GALNT17: variants seen among roughly 807,000 people sequenced by gnomAD.
GALNT17 encodes polypeptide N-acetylgalactosaminyltransferase 17.
GALNT17 carries 29 observed loss-of-function variants against 63.7 expected under a neutral mutation model. That is an observed-to-expected ratio of 0.46 (90% confidence interval 0.34 to 0.62). The LOEUF is 0.62. GALNT17 is among the 20% of genes least tolerant of loss of function. The probability of loss-of-function intolerance (pLI) is 0.01; values close to 1 mark genes in which losing one functional copy is unlikely to be tolerated. For synonymous variants in GALNT17, 305 were observed against 318.3 expected (o/e 0.96, Z 0.45); for missense variants, 603 against 799.6 (o/e 0.75, Z 2.97).
intron 1 of GALNT17, among the ~76,000 whole-genome samples, chr7:71,149,280 C>G (rs572307496): frequency 6.6e-6 from 1 of 152,144 alleles, no homozygotes; most frequent in African/African-American, 2.4e-5. Context: ...TAACTTAATT[C>G]GACATCACAC....
chr7:71,283,116 C>G (rs1790806714), intron 1 of GALNT17, among the ~76,000 whole-genome samples: 1 of 149,334 alleles, frequency 6.7e-6, no homozygotes, highest in African/African-American at 2.5e-5. Flanking sequence ...GTGGTAACCT[C>G]AAACTCCTAG....
intron 2 of GALNT17, among the ~76,000 whole-genome samples, chr7:71,372,405 T>C (rs1792641461): frequency 6.6e-6 from 1 of 152,138 alleles, no homozygotes; most frequent in Non-Finnish European, 1.5e-5. Flanking sequence ...CCTCAAGTGA[T>C]CCACCTGCCT....
chr7:71,547,844 A>C (rs777859195), intron 5 of GALNT17, among the ~76,000 whole-genome samples: 2 of 152,172 alleles, frequency 1.3e-5, no homozygotes, highest in Admixed American at 6.5e-5. Context: ...AGATAAAGAA[A>C]TGAGTTGTAC....
intron 6 of GALNT17, among the ~76,000 whole-genome samples, chr7:71,649,248 G>A (rs1022124004): frequency 6.6e-6 from 1 of 152,194 alleles, no homozygotes; most frequent in Non-Finnish European, 1.5e-5. Flanking sequence ...TTGTGACCTT[G>A]AGTGAGGGAT....
chr7:71,469,739 A>C (rs994250766), intron 5 of GALNT17, among the ~76,000 whole-genome samples: 25 of 152,226 alleles, frequency 1.6e-4, no homozygotes, highest in Non-Finnish European at 7.3e-5. Flanking sequence ...GTGAATTTAA[A>C]ATATGTAAGG....
intron 1 of GALNT17, among the ~76,000 whole-genome samples, chr7:71,197,815 A>G (rs1376844602): frequency 6.6e-6 from 1 of 152,136 alleles, no homozygotes; most frequent in Non-Finnish European, 1.5e-5. Context: ...TCTACTGTGT[A>G]TATGTATCAA....
At chr7:71,358,093 C>T (rs1200674350) in intron 2 of GALNT17, among the ~76,000 whole-genome samples, 1 of 152,210 alleles carries the variant, frequency 6.6e-6, no homozygotes, top group Non-Finnish European at 1.5e-5. Context: ...ATAAGTCTTG[C>T]TGCTGCTCAC....
At chr7:71,368,825 C>G (rs559914479) in intron 2 of GALNT17, among the ~76,000 whole-genome samples, 1 of 150,792 alleles carries the variant, frequency 6.6e-6, no homozygotes, top group Non-Finnish European at 1.5e-5. Context: ...GATTTTTAAA[C>G]TGATACAAGA....
chr7:71,500,218 C>T lies in GALNT17; in HGVS notation c.963-71067C>T, dbSNP rs557998785. 1.2e-4 allele frequency among the ~76,000 whole-genome samples: 18 copies of T among 152,278 alleles called. No individual in the cohort carries two copies. In the South Asian group the frequency reaches 1.2e-3, roughly 11 times the overall value. On this transcript the variant is annotated intron_variant, in intron 5 of 10. Transcript: ENST00000333538. ...AATTAATTGCACCGCCTTGCCCTGT[C>T]TCCCTTATTACAGTCTTGAATGACT...
chr7:71,591,249 T>C (rs1413426676), intron 6 of GALNT17, among the ~76,000 whole-genome samples: 3 of 151,930 alleles, frequency 2.0e-5, no homozygotes, highest in African/African-American at 7.3e-5. Flanking sequence ...AGAGACAGGG[T>C]TTCACCATGT....
At chr7:71,711,808 TTCTC>T (rs551496401) in intron 10 of GALNT17, among the ~76,000 whole-genome samples, 4 of 151,424 alleles carry the variant, frequency 2.6e-5, no homozygotes, top group South Asian at 4.2e-4. Flanking sequence ...TGTCTCTATC[TTCTC>T]TCTTTCTCCT....
intron 2 of GALNT17, among the ~76,000 whole-genome samples, chr7:71,387,422 C>T (rs1246784142): frequency 1.3e-5 from 2 of 151,628 alleles, no homozygotes; most frequent in Non-Finnish European, 2.9e-5. Flanking sequence ...ACCTCCCGGG[C>T]TCAAGTGATC....
intron 1 of GALNT17, among the ~76,000 whole-genome samples, chr7:71,198,197 CAAAA>C (rs755388218): frequency 2.6e-5 from 2 of 77,068 alleles, no homozygotes; most frequent in Non-Finnish European, 5.8e-5. Flanking sequence ...GACTCTGTCT[CAAAA>C]AAAAAAAAAA....
chr7:71,694,162 T>C (rs6957106), intron 9 of GALNT17, among the ~76,000 whole-genome samples: 66,419 of 151,698 alleles, frequency 0.44, 16,353 homozygotes, highest in Middle Eastern at 0.62. Flanking sequence ...AACCATCAGA[T>C]CTTGTGAGAC....
chr7:71,528,892 C>T lies in GALNT17; in HGVS notation c.963-42393C>T, dbSNP rs181757729. Reference sequence around the variant, plus strand: ...GCTCATACCTGTAATCCCAGCACTTCGGGAGGCCGAGGAGGGAAGATCACC... The same window carrying T: ...GCTCATACCTGTAATCCCAGCACTTTGGGAGGCCGAGGAGGGAAGATCACC... On this transcript the variant is annotated intron_variant, in intron 5 of 10. Coordinates refer to ENST00000333538, the MANE Select transcript of GALNT17 (RefSeq NM_022479.3). Among the ~76,000 whole-genome samples the T allele has an allele frequency of 3.7e-4, 56 of 152,090 alleles. 2 individuals carry two copies. Among genetic ancestry groups the T allele is most frequent in the East Asian group, 2.5e-3 (13 of 5,160 alleles).
At chr7:71,326,774 G>A (rs12668780) in intron 1 of GALNT17, among the ~76,000 whole-genome samples, 25,517 of 151,994 alleles carry the variant, frequency 0.17, 2,361 homozygotes, top group East Asian at 0.29. Flanking sequence ...GCTGTATCTC[G>A]TGACTCATTT....
intron 1 of GALNT17, among the ~76,000 whole-genome samples, chr7:71,279,920 C>A (rs1790749494): frequency 6.6e-6 from 1 of 151,970 alleles, no homozygotes; most frequent in African/African-American, 2.4e-5. Context: ...TTATCAAAAT[C>A]AAATAATCTT....
intron 1 of GALNT17, among the ~76,000 whole-genome samples, chr7:71,169,814 C>T (rs940734928): frequency 1.3e-5 from 2 of 152,186 alleles, no homozygotes; most frequent in Admixed American, 6.5e-5. Context: ...CCTTGGCCTT[C>T]TGAAGTGCTG....
chr7:71,575,449 A>C (rs1227351200), intron 6 of GALNT17, among the ~76,000 whole-genome samples: 1 of 150,680 alleles, frequency 6.6e-6, no homozygotes, highest in African/African-American at 2.4e-5. Flanking sequence ...GAATGCAGTG[A>C]CGCGATCTTG....
Sources: gnomAD v4.1 joint callset for allele counts (sites outside exome capture counted in the v4.1 genomes callset) on GRCh38, gnomAD v4.1.1 for gene constraint, MANE v1.5 for transcripts, NCBI Gene and HGNC (gene_info 2026-07-23, HGNC 2026-07-21) for gene names.